Variants in CNTN4 observed in about 807,000 individuals in gnomAD.
CNTN4 encodes contactin 4, also known as contactin-4.
A neutral mutation model predicts 122.5 loss-of-function variants in CNTN4; 77 were observed. The ratio of observed to expected loss-of-function variants is 0.63; its 90% CI spans 0.52 to 0.76. The LOEUF (loss-of-function observed/expected upper bound fraction) is 0.76, where lower values mean the gene tolerates loss of function less well. Among genes scored for constraint, CNTN4 ranks in the 30% least tolerant of loss-of-function variants. CNTN4 has a pLI of 0.00. For synonymous variants in CNTN4, 512 were observed against 447.0 expected (o/e 1.15, Z -1.83); for missense variants, 1,256 against 1,259.1 (o/e 1.00, Z 0.04).
At chr3:2,148,291 T>C (rs898757686) in intron 2 of CNTN4, among the ~76,000 whole-genome samples, 5 of 152,074 alleles carry the variant, frequency 3.3e-5, no homozygotes, top group African/African-American at 9.7e-5. Flanking sequence ...CTCAGCACTT[T>C]GGGAGGCCTA....
intron 2 of CNTN4, among the ~76,000 whole-genome samples, chr3:2,107,650 G>C (rs2032563339): frequency 6.6e-6 from 1 of 152,134 alleles, no homozygotes; most frequent in Non-Finnish European, 1.5e-5. Flanking sequence ...TGATTTTGCA[G>C]CTCTTCAGAT....
chr3:2,384,754 A>ATGTGTGCG (rs1553637801), intron 3 of CNTN4, among the ~76,000 whole-genome samples: 1 of 135,396 alleles, frequency 7.4e-6, no homozygotes, highest in Non-Finnish European at 1.6e-5. Flanking sequence ...TAACAACTCA[A>ATGTGTGCG]TGTGTGCGTG....
chr3:2,192,810 G>C (rs2037643954), intron 2 of CNTN4, among the ~76,000 whole-genome samples: 1 of 151,948 alleles, frequency 6.6e-6, no homozygotes, highest in Non-Finnish European at 1.5e-5. Context: ...ACCACTATTA[G>C]CTCCCCACTA....
At chr3:2,390,489 A>G (rs1451887987) in intron 3 of CNTN4, among the ~76,000 whole-genome samples, 1 of 152,160 alleles carries the variant, frequency 6.6e-6, no homozygotes. Flanking sequence ...TGTGCTTACT[A>G]AAACACATGA....
chr3:2,136,693 TAA>T (rs745648552), intron 2 of CNTN4, among the ~76,000 whole-genome samples: 25 of 143,620 alleles, frequency 1.7e-4, no homozygotes, highest in Admixed American at 2.8e-4. Context: ...TTCCTTGGTT[TAA>T]AAAAAAAAAA....
chr3:2,638,552 A>G (rs967382229), intron 4 of CNTN4, among the ~76,000 whole-genome samples: 8 of 152,190 alleles, frequency 5.3e-5, no homozygotes, highest in Admixed American at 3.9e-4. Flanking sequence ...TAAAACTGCA[A>G]TAATCAATAA....
Position 2,745,719 on chromosome 3 carries a change from C to T in CNTN4, c.358+22C>T, listed in dbSNP as rs1315832970. ...GCTTGTAAGTAGCAATTATACAATG[C>T]TGCAAATGTTGCTTTCAGTTTGTGT... is the stretch of plus-strand genomic sequence containing the variant. On this transcript the variant is annotated intron_variant, in intron 6 of 24. Coordinates refer to ENST00000418658, the MANE Select transcript of CNTN4 (RefSeq NM_175607.3). The T allele has an allele frequency of 2.5e-6, 4 of 1,609,352 alleles. No individual in the cohort carries two copies. In the South Asian group the frequency reaches 3.3e-5, roughly 13 times the overall value.
intron 8 of CNTN4, among the ~76,000 whole-genome samples, chr3:2,877,959 G>A (rs2093863870): frequency 6.6e-6 from 1 of 152,124 alleles, no homozygotes; most frequent in East Asian, 1.9e-4. Context: ...AAATTAAATG[G>A]AACAGTTCAC....
At chr3:2,722,614 G>A (rs1417818288) in intron 4 of CNTN4, among the ~76,000 whole-genome samples, 2 of 151,962 alleles carry the variant, frequency 1.3e-5, no homozygotes, top group South Asian at 2.1e-4. Context: ...CTAAGAAAAC[G>A]TTTTTTTCCT....
intron 2 of CNTN4, among the ~76,000 whole-genome samples, chr3:2,103,136 G>T (rs1005699292): frequency 6.6e-6 from 1 of 151,488 alleles, no homozygotes; most frequent in Non-Finnish European, 1.5e-5. Flanking sequence ...AGCAGAGCTG[G>T]GATCTGAACC....
At chr3:2,322,908 A>G (rs1041354585) in intron 2 of CNTN4, among the ~76,000 whole-genome samples, 3 of 152,096 alleles carry the variant, frequency 2.0e-5, no homozygotes, top group African/African-American at 7.2e-5. Flanking sequence ...AATAGAGGAA[A>G]AGTTGCTGTC....
At chr3:2,350,278 C>A (rs1559476246) in intron 3 of CNTN4, among the ~76,000 whole-genome samples, 1 of 152,104 alleles carries the variant, frequency 6.6e-6, no homozygotes, top group African/African-American at 2.4e-5. Context: ...CCTAAGGTAT[C>A]CCCAGCAGTG....
intron 4 of CNTN4, among the ~76,000 whole-genome samples, chr3:2,605,914 A>G (rs2081237386): frequency 6.6e-6 from 1 of 152,208 alleles, no homozygotes; most frequent in Non-Finnish European, 1.5e-5. Flanking sequence ...TTAGTGCTAG[A>G]AAGAAAATTT....
intron 2 of CNTN4, among the ~76,000 whole-genome samples, chr3:2,166,802 T>G (rs2036212515): frequency 6.6e-6 from 1 of 152,112 alleles, no homozygotes; most frequent in Non-Finnish European, 1.5e-5. Flanking sequence ...GGAGAAACAT[T>G]ACTTACATAT....
intron 13 of CNTN4, among the ~76,000 whole-genome samples, chr3:2,932,812 ATTTAT>A (rs1238465219): frequency 5.6e-5 from 7 of 126,002 alleles, no homozygotes; most frequent in Admixed American, 3.7e-4. Flanking sequence ...TTATTTATTT[ATTTAT>A]TTATTTATTT....
At chr3:2,244,085 G>C (rs1240304929) in intron 2 of CNTN4, among the ~76,000 whole-genome samples, 1 of 151,990 alleles carries the variant, frequency 6.6e-6, no homozygotes, top group Non-Finnish European at 1.5e-5. Context: ...AGATGGTACT[G>C]AACCCTTATA....
At chr3:3,020,860 A>G (rs1346399271) in intron 14 of CNTN4, among the ~76,000 whole-genome samples, 1 of 152,192 alleles carries the variant, frequency 6.6e-6, no homozygotes, top group Non-Finnish European at 1.5e-5. Context: ...CTGCTATGGA[A>G]TTATTAGATC....
intron 6 of CNTN4, among the ~76,000 whole-genome samples, chr3:2,804,103 G>A (rs2092410799): frequency 7.6e-6 from 1 of 131,852 alleles, no homozygotes; most frequent in Admixed American, 7.3e-5. Context: ...ACACACGTAT[G>A]ATAAAAACCA....
intron 3 of CNTN4, among the ~76,000 whole-genome samples, chr3:2,515,533 AC>A (rs1353874639): frequency 6.6e-6 from 1 of 152,170 alleles, no homozygotes; most frequent in East Asian, 1.9e-4. Context: ...ACAAATAGAT[AC>A]CCGTCCACAT....
Sources: gnomAD v4.1 joint callset for allele counts (sites outside exome capture counted in the v4.1 genomes callset) on GRCh38, gnomAD v4.1.1 for gene constraint, MANE v1.5 for transcripts, NCBI Gene and HGNC (gene_info 2026-07-23, HGNC 2026-07-21) for gene names.